The following USP32 variants were observed in gnomAD, a reference collection of about 807,000 sequenced individuals.
The protein encoded by USP32 is ubiquitin specific peptidase 32, also known as ubiquitin carboxyl-terminal hydrolase 32.
A neutral mutation model predicts 204.8 loss-of-function variants in USP32; 59 were observed. The ratio of observed to expected loss-of-function variants is 0.29; its 90% confidence interval spans 0.23 to 0.36. The LOEUF (loss-of-function observed/expected upper bound fraction) is 0.36, where lower values mean the gene tolerates loss of function less well. USP32 is among the 10% of genes least tolerant of loss of function. The pLI is 1.00. For synonymous variants in USP32, 517 were observed against 678.4 expected (o/e 0.76, Z 3.70); for missense variants, 1,160 against 1,946.4 (o/e 0.60, Z 7.60).
chr17:60,279,848 ATAAT>A (rs2086925613), intron 5 of USP32, among the ~76,000 whole-genome samples: 1 of 146,552 alleles, frequency 6.8e-6, no homozygotes, highest in Non-Finnish European at 1.5e-5. Flanking sequence ...AATAATAATA[ATAAT>A]TAATAATAAT....
chr17:60,231,859 A>C (rs1158566737), intron 12 of USP32, among the ~76,000 whole-genome samples: 1 of 152,220 alleles, frequency 6.6e-6, no homozygotes, highest in East Asian at 1.9e-4. Context: ...TTGACACATT[A>C]AAGCGGGGAA....
chr17:60,189,883 A>G (rs1170742795), intron 29 of USP32, among the ~76,000 whole-genome samples: 3 of 152,230 alleles, frequency 2.0e-5, no homozygotes, highest in African/African-American at 4.8e-5. Context: ...TGTCATGGCC[A>G]GACACAGTTT....
At chr17:60,301,906 T>A (rs1418484781) in intron 2 of USP32, among the ~76,000 whole-genome samples, 1 of 152,160 alleles carries the variant, frequency 6.6e-6, no homozygotes, top group Non-Finnish European at 1.5e-5. Flanking sequence ...GTGACTACTG[T>A]AAAATACGTA....
intron 2 of USP32, among the ~76,000 whole-genome samples, chr17:60,337,582 G>C (rs1030624085): frequency 6.6e-6 from 1 of 152,102 alleles, no homozygotes; most frequent in East Asian, 1.9e-4. Context: ...TGCCCATCAA[G>C]AATAACAATT....
intron 26 of USP32, among the ~76,000 whole-genome samples, chr17:60,202,215 C>T (rs992589217): frequency 1.3e-5 from 2 of 152,172 alleles, no homozygotes; most frequent in African/African-American, 4.8e-5. Context: ...ATCAGGTGTT[C>T]ATACATTTGT....
intron 9 of USP32, among the ~76,000 whole-genome samples, chr17:60,262,910 C>T (rs557333144): frequency 6.6e-6 from 1 of 152,232 alleles, no homozygotes; most frequent in East Asian, 1.9e-4. Flanking sequence ...GTTCAATTTA[C>T]ATGGTTCCCT....
At chr17:60,314,287 G>A (rs1048760980) in intron 2 of USP32, among the ~76,000 whole-genome samples, 3 of 151,782 alleles carry the variant, frequency 2.0e-5, no homozygotes, top group South Asian at 2.1e-4. Context: ...GGCTACAGGT[G>A]TATACCACTA....
intron 1 of USP32, among the ~76,000 whole-genome samples, chr17:60,348,542 A>G (rs1485855580): frequency 1.3e-5 from 2 of 152,186 alleles, no homozygotes; most frequent in Admixed American, 1.3e-4. Context: ...TGGGAGGCCA[A>G]GGCAGGAGGA....
At chr17:60,224,885 C>T (rs1368025325) in intron 13 of USP32, among the ~76,000 whole-genome samples, 1 of 152,174 alleles carries the variant, frequency 6.6e-6, no homozygotes, top group Non-Finnish European at 1.5e-5. Context: ...AGAAATACCA[C>T]AGCATCTTCC....
chr17:60,346,791 C>T (rs142238740), intron 1 of USP32, among the ~76,000 whole-genome samples: 1 of 152,198 alleles, frequency 6.6e-6, no homozygotes, highest in African/African-American at 2.4e-5. Flanking sequence ...AAGGCTAAAC[C>T]AAGCAAAATG....
At chr17:60,370,609 CA>C (rs921249044) in intron 1 of USP32, among the ~76,000 whole-genome samples, 2 of 150,808 alleles carry the variant, frequency 1.3e-5, no homozygotes, top group Admixed American at 6.6e-5. Flanking sequence ...AAAAAAAATA[CA>C]AAAAAAATTA....
At chr17:60,359,088 T>C (rs1371086915) in intron 1 of USP32, among the ~76,000 whole-genome samples, 1 of 152,212 alleles carries the variant, frequency 6.6e-6, no homozygotes, top group African/African-American at 2.4e-5. Flanking sequence ...AATCATACTC[T>C]GAACAATCCA....
chr17:60,290,272 C>T (rs1411277133), intron 4 of USP32, among the ~76,000 whole-genome samples: 1 of 152,202 alleles, frequency 6.6e-6, no homozygotes, highest in East Asian at 1.9e-4. Context: ...GTAACACTCC[C>T]ATTTTTAGAA....
At chr17:60,306,186 T>C (rs898157309) in intron 2 of USP32, among the ~76,000 whole-genome samples, 3 of 152,214 alleles carry the variant, frequency 2.0e-5, no homozygotes, top group African/African-American at 4.8e-5. Context: ...TCATTACTAA[T>C]TAGCTTTCAT....
intron 30 of USP32, among the ~76,000 whole-genome samples, chr17:60,185,241 T>C (rs1379013776): frequency 6.6e-6 from 1 of 152,258 alleles, no homozygotes; most frequent in Non-Finnish European, 1.5e-5. Context: ...GTCTACATGA[T>C]TGATCTTCTA....
chr17:60,241,143 G>A (rs1194612733), intron 11 of USP32, among the ~76,000 whole-genome samples: 1 of 152,152 alleles, frequency 6.6e-6, no homozygotes, highest in Non-Finnish European at 1.5e-5. Flanking sequence ...AACTACAGGT[G>A]TGCGCCACCA....
Position 60,325,451 on chromosome 17 carries a change from T to C in USP32, c.186+20030A>G, listed in dbSNP as rs188904050. 2.0e-5 allele frequency among the ~76,000 whole-genome samples: 3 copies of C among 152,040 alleles called. No individual in the cohort carries two copies. In the East Asian group the frequency reaches 5.8e-4, roughly 29 times the overall value. Reference sequence around the variant, plus strand: ...AAAAAAAGAGAAAAAGAAAGAAAACTATATCATAGTACACTATGTTGCAAG... The same window carrying C: ...AAAAAAAGAGAAAAAGAAAGAAAACCATATCATAGTACACTATGTTGCAAG... On this transcript the variant is annotated intron_variant, in intron 2 of 33. Coordinates refer to ENST00000300896, the MANE Select transcript of USP32 (RefSeq NM_032582.4).
intron 2 of USP32, among the ~76,000 whole-genome samples, chr17:60,334,157 TG>T (rs2088457655): frequency 6.6e-6 from 1 of 152,158 alleles, no homozygotes; most frequent in Admixed American, 6.6e-5. Flanking sequence ...CAACAAGAGG[TG>T]GCCATGCAAT....
chr17:60,234,555 A>T (rs993767181), intron 12 of USP32, among the ~76,000 whole-genome samples: 4 of 151,402 alleles, frequency 2.6e-5, no homozygotes, highest in Non-Finnish European at 4.4e-5. Flanking sequence ...GTGAAGCCCC[A>T]TCTCTACTAA....
Sources: allele counts gnomAD v4.1 joint callset (sites outside exome capture counted in the v4.1 genomes callset), GRCh38; gene constraint gnomAD v4.1.1; transcripts MANE v1.5; gene names NCBI Gene and HGNC (gene_info 2026-07-23, HGNC 2026-07-21).